Variants in PSMD1 observed in about 807,000 individuals in gnomAD.
PSMD1 encodes 26S proteasome non-ATPase regulatory subunit 1.
Under a neutral mutation model 119.0 loss-of-function variants are expected in PSMD1, and 18 were observed. The observed-to-expected ratio is 0.15, with a 90% CI of 0.10 to 0.22. PSMD1 has a LOEUF of 0.22. PSMD1 is among the 10% of genes least tolerant of loss of function. The pLI, the probability that PSMD1 is intolerant of heterozygous loss-of-function variation, is 1.00. For synonymous variants in PSMD1, 374 were observed against 396.6 expected (o/e 0.94, Z 0.68); for missense variants, 702 against 1,158.5 (o/e 0.61, Z 5.72).
At chr2:231,065,459 A>ATTTT (rs58929120) in intron 4 of PSMD1, among the ~76,000 whole-genome samples, 8,486 of 140,908 alleles carry the variant, frequency 0.06, 400 homozygotes, top group South Asian at 0.2. Context: ...CACCCGGCTA[A>ATTTT]TTTTTTTTTT....
At chr2:231,118,120 G>A (rs895486743) in intron 16 of PSMD1, among the ~76,000 whole-genome samples, 6 of 146,138 alleles carry the variant, frequency 4.1e-5, no homozygotes, top group African/African-American at 1.4e-4. Flanking sequence ...CTGTAAAGTG[G>A]GGATAATAGT....
chr2:231,060,132 A>AT (rs995255161), intron 1 of PSMD1, among the ~76,000 whole-genome samples: 21 of 152,202 alleles, frequency 1.4e-4, no homozygotes, highest in African/African-American at 4.3e-4. Flanking sequence ...CTAGTTTGCA[A>AT]TTTTTTCTTT....
Position 231,077,163 on chromosome 2 carries a change from G to T in PSMD1, c.1071+1G>T. 1.3e-6 allele frequency: 2 copies of T among 1,500,312 alleles called. No homozygotes were observed. The highest frequency in any genetic ancestry group is 1.8e-6 in the Non-Finnish European group (2 of 1,115,964). 92.9% of individuals were successfully genotyped at this position (1,500,312 alleles called of 1,614,324 possible). A position where few individuals can be genotyped will look rare whatever the true frequency, so the allele number is the denominator to read the frequency against. On this transcript the variant is annotated splice_donor_variant, in intron 9 of 24. Transcript: ENST00000308696. LOFTEE classifies it high-confidence loss of function. ...CCTCATGATTCTAAAAAACACAAAGGTAAGAAATTCATCAATAATAGAGGA... is the reference window on the plus strand; with the variant it reads ...CCTCATGATTCTAAAAAACACAAAGTTAAGAAATTCATCAATAATAGAGGA...
At chr2:231,095,732 C>T (rs552500568) in intron 16 of PSMD1, among the ~76,000 whole-genome samples, 4 of 152,318 alleles carry the variant, frequency 2.6e-5, no homozygotes, top group South Asian at 2.1e-4. Flanking sequence ...AAGTCAATAA[C>T]GGCTAAAGGC....
At chr2:231,059,124 C>G (rs927165375) in intron 1 of PSMD1, among the ~76,000 whole-genome samples, 2 of 152,202 alleles carry the variant, frequency 1.3e-5, no homozygotes, top group African/African-American at 4.8e-5. Flanking sequence ...GCGGAAAAAG[C>G]ACTTGGTGAC....
chr2:231,134,370 T>C (rs772196112), intron 16 of PSMD1, among the ~76,000 whole-genome samples: 6 of 152,190 alleles, frequency 3.9e-5, no homozygotes, highest in African/African-American at 7.2e-5. Context: ...TATCAGACAA[T>C]TGGCAGATAG....
intron 16 of PSMD1, among the ~76,000 whole-genome samples, chr2:231,132,069 AGGCTCCTGGT>A (rs1279932229): frequency 3.9e-5 from 6 of 152,172 alleles, no homozygotes; most frequent in Admixed American, 6.5e-5. Flanking sequence ...GTTCTGCATT[AGGCTCCTGGT>A]ATTTATGTTC....
At chr2:231,097,490 T>C (rs1305479478) in intron 16 of PSMD1, among the ~76,000 whole-genome samples, 1 of 152,180 alleles carries the variant, frequency 6.6e-6, no homozygotes, top group Non-Finnish European at 1.5e-5. Context: ...CTCTTTCTGC[T>C]AATAAATAAG....
chr2:231,167,062 T>C (rs2125272389), intron 23 of PSMD1, among the ~76,000 whole-genome samples: 1 of 152,346 alleles, frequency 6.6e-6, no homozygotes, highest in South Asian at 2.1e-4. Context: ...GTTGTGGAGA[T>C]TAAATAGGTT....
At chr2:231,150,227 G>T (rs759866178) in intron 18 of PSMD1, among the ~76,000 whole-genome samples, 56 of 151,876 alleles carry the variant, frequency 3.7e-4, no homozygotes, top group Non-Finnish European at 6.0e-4. Context: ...GGCGCCTGTA[G>T]TTCCAGCTAC....
chr2:231,125,636 TTCACAGC>T (rs1161261076), intron 16 of PSMD1, among the ~76,000 whole-genome samples: 3 of 152,250 alleles, frequency 2.0e-5, no homozygotes, highest in Non-Finnish European at 2.9e-5. Context: ...TTAGGAGTGG[TTCACAGC>T]TTTTTTTCCC....
At chr2:231,087,035 T>A in intron 15 of PSMD1, 82 bp from the exon 16 acceptor site, 1 of 1,135,766 alleles carries the variant, frequency 8.8e-7, no homozygotes, top group African/African-American at 1.5e-5. Flanking sequence ...ACACTCACTG[T>A]TGAATGATGC....
chr2:231,088,941 G>T (rs1400227026), intron 16 of PSMD1, among the ~76,000 whole-genome samples: 1 of 152,220 alleles, frequency 6.6e-6, no homozygotes, highest in Non-Finnish European at 1.5e-5. Flanking sequence ...AATTAACAGT[G>T]CTACTCCAGT....
At chr2:231,144,931 G>A (rs1341006410) in intron 17 of PSMD1, among the ~76,000 whole-genome samples, 4 of 152,128 alleles carry the variant, frequency 2.6e-5, no homozygotes, top group African/African-American at 7.2e-5. Flanking sequence ...AAAGTAATAG[G>A]TGTTTATCAA....
intron 19 of PSMD1, 87 bp from the exon 20 acceptor site, chr2:231,161,245 AAAAAAAAG>A: frequency 7.8e-7 from 1 of 1,284,654 alleles, no homozygotes; most frequent in Non-Finnish European, 1.1e-6. Context: ...CTTTAAAAAA[AAAAAAAAG>A]AAAGAAAGAA....
intron 16 of PSMD1, among the ~76,000 whole-genome samples, chr2:231,136,950 T>C (rs572796184): frequency 3.4e-4 from 49 of 144,604 alleles, no homozygotes; most frequent in African/African-American, 1.2e-3. Context: ...TATATTATAT[T>C]TACATATAGT....
chr2:231,096,094 G>A (rs752750861), intron 16 of PSMD1, among the ~76,000 whole-genome samples: 17 of 152,098 alleles, frequency 1.1e-4, no homozygotes, highest in African/African-American at 1.7e-4. Context: ...ATGGGCTAGC[G>A]GCTCCGTTCT....
chr2:231,136,697 A>G (rs1445201041), intron 16 of PSMD1, among the ~76,000 whole-genome samples: 1 of 152,016 alleles, frequency 6.6e-6, no homozygotes, highest in Non-Finnish European at 1.5e-5. Flanking sequence ...ACTGTGTTCA[A>G]ATTAGACAAG....
At chr2:231,110,779 T>TA (rs1695132339) in intron 16 of PSMD1, among the ~76,000 whole-genome samples, 1 of 152,262 alleles carries the variant, frequency 6.6e-6, no homozygotes, top group Non-Finnish European at 1.5e-5. Flanking sequence ...TTTATTGGCA[T>TA]ACTGCCACTC....
Sources: gnomAD v4.1 joint callset for allele counts (sites outside exome capture counted in the v4.1 genomes callset) on GRCh38, gnomAD v4.1.1 for gene constraint, MANE v1.5 for transcripts, NCBI Gene and HGNC (gene_info 2026-07-23, HGNC 2026-07-21) for gene names.